The following PLXDC2 variants were observed in gnomAD, a reference collection of about 807,000 sequenced individuals.
PLXDC2 encodes plexin domain-containing protein 2.
In PLXDC2, 40 loss-of-function variants were observed where a neutral mutation model predicts 68.9. That is an observed-to-expected ratio of 0.58 (90% confidence interval 0.45 to 0.76). The LOEUF is 0.76. PLXDC2 is among the 30% of genes least tolerant of loss of function. The pLI is 0.00. For missense variants in PLXDC2, 644 were observed against 661.9 expected (o/e 0.97, Z 0.30); for synonymous variants, 243 against 234.2 (o/e 1.04, Z -0.34).
intron 4 of PLXDC2, among the ~76,000 whole-genome samples, chr10:20,097,517 C>T (rs1361460032): frequency 5.3e-5 from 8 of 152,108 alleles, no homozygotes; most frequent in African/African-American, 1.7e-4. Context: ...TTAAAAATTT[C>T]CTCCTATTAT....
chr10:19,891,765 A>G (rs551005763), intron 1 of PLXDC2, among the ~76,000 whole-genome samples: 1 of 152,340 alleles, frequency 6.6e-6, no homozygotes, highest in East Asian at 1.9e-4. Context: ...TAGTTTTTGA[A>G]GTAAAACCCA....
intron 1 of PLXDC2, among the ~76,000 whole-genome samples, chr10:19,984,609 A>C (rs1834605013): frequency 6.6e-6 from 1 of 152,214 alleles, no homozygotes; most frequent in African/African-American, 2.4e-5. Flanking sequence ...CTAGAGTTCA[A>C]GGCAAATAGT....
chr10:20,169,942 G>A (rs1380053834), intron 7 of PLXDC2, among the ~76,000 whole-genome samples: 2 of 152,080 alleles, frequency 1.3e-5, no homozygotes, highest in South Asian at 4.2e-4. Context: ...TTAACATCAG[G>A]CCTCTTCGTA....
intron 4 of PLXDC2, among the ~76,000 whole-genome samples, chr10:20,085,975 C>T (rs921794212): frequency 6.6e-6 from 1 of 152,178 alleles, no homozygotes; most frequent in African/African-American, 2.4e-5. Context: ...CTACTCATCC[C>T]TCAATAGAAT....
At chr10:20,010,323 T>C (rs1381094747) in intron 2 of PLXDC2, among the ~76,000 whole-genome samples, 1 of 152,244 alleles carries the variant, frequency 6.6e-6, no homozygotes, top group African/African-American at 2.4e-5. Context: ...TTTTCTCCCA[T>C]TCATTTTCTT....
chr10:20,113,446 G>A (rs1049524275), intron 4 of PLXDC2, among the ~76,000 whole-genome samples: 3 of 152,012 alleles, frequency 2.0e-5, no homozygotes, highest in Non-Finnish European at 4.4e-5. Flanking sequence ...CCATCAGGAC[G>A]TTGGTTCTAC....
chr10:20,185,712 A>G (rs1035656040), intron 9 of PLXDC2, among the ~76,000 whole-genome samples: 20 of 152,000 alleles, frequency 1.3e-4, no homozygotes, highest in African/African-American at 4.6e-4. Context: ...CTTTTAGACT[A>G]TAAATTTACA....
chr10:19,959,039 G>C (rs535274773), intron 1 of PLXDC2, among the ~76,000 whole-genome samples: 1 of 152,270 alleles, frequency 6.6e-6, no homozygotes, highest in Admixed American at 6.5e-5. Flanking sequence ...CAACATAGTT[G>C]TTACTCTTCT....
chr10:20,095,353 A>G (rs945649368), intron 4 of PLXDC2, among the ~76,000 whole-genome samples: 7 of 152,142 alleles, frequency 4.6e-5, no homozygotes, highest in African/African-American at 1.4e-4. Context: ...AGAGGGATTC[A>G]TGTTTCTAGA....
At chr10:19,997,556 C>CA (rs1040859283) in intron 1 of PLXDC2, among the ~76,000 whole-genome samples, 1 of 152,054 alleles carries the variant, frequency 6.6e-6, no homozygotes, top group African/African-American at 2.4e-5. Context: ...ATGTAAAACT[C>CA]AAAAAATGTT....
chr10:19,934,831 A>G (rs978420605), intron 1 of PLXDC2, among the ~76,000 whole-genome samples: 1 of 152,198 alleles, frequency 6.6e-6, no homozygotes, highest in Non-Finnish European at 1.5e-5. Flanking sequence ...TAGGGTCTTC[A>G]TCAAGACCTG....
chr10:20,039,212 C>T lies in PLXDC2; in HGVS notation c.325-7657C>T, dbSNP rs561004735. On this transcript the variant is annotated intron_variant, in intron 2 of 13. Transcript: ENST00000377252. Reference sequence around the variant, plus strand: ...TGTAGCTGTGTGTCCAGTTTACTGTCGATATAAATGAGAGAAAAAAGGAGA... The same window carrying T: ...TGTAGCTGTGTGTCCAGTTTACTGTTGATATAAATGAGAGAAAAAAGGAGA... 1.3e-4 allele frequency among the ~76,000 whole-genome samples: 20 copies of T among 152,008 alleles called. No homozygotes were observed. In the South Asian group the frequency reaches 3.9e-3, roughly 30 times the overall value.
chr10:19,844,634 C>T (rs890337911), intron 1 of PLXDC2, among the ~76,000 whole-genome samples: 9 of 150,418 alleles, frequency 6.0e-5, no homozygotes, highest in Non-Finnish European at 1.2e-4. Context: ...AGGGCTCTGT[C>T]GTCTGGGCTG....
intron 9 of PLXDC2, among the ~76,000 whole-genome samples, chr10:20,210,167 A>G (rs1835050193): frequency 6.6e-6 from 1 of 152,184 alleles, no homozygotes; most frequent in African/African-American, 2.4e-5. Context: ...ACCAAACCCT[A>G]TATATACTAT....
intron 6 of PLXDC2, among the ~76,000 whole-genome samples, chr10:20,152,942 A>C (rs905062517): frequency 6.6e-6 from 1 of 152,182 alleles, no homozygotes; most frequent in Non-Finnish European, 1.5e-5. Flanking sequence ...GATAACTTTA[A>C]TACTGTACAG....
intron 13 of PLXDC2, 132 bp downstream of exon 13, chr10:20,245,637 A>G (rs946154851): frequency 2.0e-5 from 21 of 1,025,440 alleles, no homozygotes; most frequent in African/African-American, 3.2e-5. Context: ...TTTCACACAC[A>G]TGGATGTTGT....
chr10:19,817,229 C>T (rs1340655614), intron 1 of PLXDC2, 38 bp downstream of exon 1: 2 of 1,486,088 alleles, frequency 1.3e-6, no homozygotes, highest in Non-Finnish European at 1.8e-6. Flanking sequence ...ATTTTGTGCG[C>T]AGCTGAAGAC....
At chr10:20,102,495 G>C (rs1369290675) in intron 4 of PLXDC2, among the ~76,000 whole-genome samples, 1 of 152,104 alleles carries the variant, frequency 6.6e-6, no homozygotes, top group South Asian at 2.1e-4. Context: ...TGGACTATAT[G>C]TCTGTCCTAT....
At chr10:20,251,560 G>A (rs1317627467) in intron 13 of PLXDC2, among the ~76,000 whole-genome samples, 4 of 151,980 alleles carry the variant, frequency 2.6e-5, no homozygotes, top group East Asian at 3.9e-4. Flanking sequence ...CATAGGTCAC[G>A]GAGATAAATG....
Sources: gnomAD v4.1 joint callset for allele counts (sites outside exome capture counted in the v4.1 genomes callset) on GRCh38, gnomAD v4.1.1 for gene constraint, MANE v1.5 for transcripts, NCBI Gene and HGNC (gene_info 2026-07-23, HGNC 2026-07-21) for gene names.